The following INTS3 variants were observed in gnomAD, a reference collection of about 807,000 sequenced individuals.
INTS3 encodes the protein integrator complex subunit 3.
Under a neutral mutation model 146.3 loss-of-function variants are expected in INTS3, and 34 were observed. The observed-to-expected ratio is 0.23, with a 90% confidence interval of 0.18 to 0.31. The LOEUF (loss-of-function observed/expected upper bound fraction) is 0.31, where lower values mean the gene tolerates loss of function less well. Ranked by LOEUF, INTS3 falls within the 10% of genes least tolerant of loss-of-function variation. The pLI, the probability that INTS3 is intolerant of heterozygous loss-of-function variation, is 1.00. For synonymous variants in INTS3, 475 were observed against 494.9 expected (o/e 0.96, Z 0.53); for missense variants, 757 against 1,304.2 (o/e 0.58, Z 6.46).
intron 5 of INTS3, chr1:153,748,385 T>G (rs1671832919): frequency 2.6e-6 from 1 of 388,084 alleles, no homozygotes; most frequent in Non-Finnish European, 4.9e-6. Context: ...AACTGTGGGC[T>G]TCTTATATCT....
intron 14 of INTS3, among the ~76,000 whole-genome samples, chr1:153,762,423 G>A (rs760000936): frequency 3.3e-5 from 5 of 152,230 alleles, no homozygotes; most frequent in Non-Finnish European, 7.3e-5. Context: ...CAGCCCAGGC[G>A]ACAAGAGTGA....
chr1:153,769,001 G>A (rs781051143), intron 22 of INTS3, 40 bp downstream of exon 22: 30 of 1,529,192 alleles, frequency 2.0e-5, no homozygotes, highest in Non-Finnish European at 2.4e-5. Context: ...GATCTGGGAG[G>A]CAGCATTAGG....
At chr1:153,750,757 A>G (rs1275820819) in intron 6 of INTS3, 7 of 296,406 alleles carry the variant, frequency 2.4e-5, no homozygotes, top group Non-Finnish European at 6.3e-6. Context: ...TGCTTGGCAC[A>G]TGATAGGCAC....
rs1178652922 is a variant in INTS3 at position 153,736,912 on chromosome 1, TGCCACCATGCCC to T, written c.151-3737_151-3726del. On this transcript the variant is annotated intron_variant, in intron 1 of 29. Transcript: ENST00000318967. ...CTGAGTAGCTGGGACTACAGGCGCC[TGCCACCATGCCC>T]GGCTAATTTTTTGTATTTTTTTTAA... is the stretch of plus-strand genomic sequence containing the variant. Among the ~76,000 whole-genome samples the T allele has an allele frequency of 2.0e-5, 3 of 151,972 alleles. No homozygotes were observed. The East Asian group carries it at 5.8e-4, about 29-fold the overall frequency.
rs1357945754 is a variant in INTS3 at position 153,757,534 on chromosome 1, G to T, written c.958-38G>T. On this transcript the variant is annotated intron_variant, in intron 9 of 29. Coordinates refer to ENST00000318967, the MANE Select transcript of INTS3 (RefSeq NM_023015.5). This position sits in a 1 kb window ranked among gnomAD's most constrained non-coding sequence, Gnocchi z 4.0. ...TTCCTCTGGCCAAGGACCCCACACT[G>T]TCTTCTAAGGTCTTTTTCTTGCTTC... 3 of 1,593,620 alleles carry T rather than the reference G, an allele frequency of 1.9e-6. No homozygotes were observed. The highest frequency in any genetic ancestry group is 1.7e-6 in the Non-Finnish European group (2 of 1,163,530).
Position 153,741,351 on chromosome 1 carries a change from C to G in INTS3, c.301C>G (p.Pro101Ala). 4.3e-6 allele frequency: 7 copies of G among 1,613,690 alleles called. No individual in the cohort carries two copies. Among genetic ancestry groups the G allele is most frequent in the South Asian group, 1.1e-5 (1 of 91,080 alleles). Residue 101 changes from proline to alanine, a missense_variant, in exon 3 of 30, where the codon CCT (proline) becomes GCT (alanine). Transcript: ENST00000318967. The part of the protein sequence containing the change: ...LGLFTLILTE[P>A]AQAQKCYRDL... ...CCTGTTTACTCTCATCCTCACTGAA[C>G]CTGCCCAAGCCCAGAAGGTAAGGCA...
At position 153,728,102 on chromosome 1, in the gene INTS3, G is replaced by A; in HGVS notation, c.-533G>A. On this transcript the variant is annotated 5_prime_UTR_variant, in exon 1 of 30. Transcript: ENST00000318967. ...TGGCCGCTTCTGTGTGGTGTGGGGA[G>A]ACGCTGGTCCTCCCCGTCCTCCCAT... 2.5e-6 allele frequency: 1 copy of A among 392,888 alleles called. No homozygotes were observed. 24.3% of individuals were successfully genotyped at this position (392,888 alleles called of 1,614,324 possible). A position where few individuals can be genotyped will look rare whatever the true frequency, so the allele number is the denominator to read the frequency against.
intron 21 of INTS3, among the ~76,000 whole-genome samples, chr1:153,768,110 A>G (rs1322090670): frequency 6.6e-6 from 1 of 152,202 alleles, no homozygotes; most frequent in Non-Finnish European, 1.5e-5. Flanking sequence ...ATCTGGACCC[A>G]GGACAGATCC....
chr1:153,756,184 G>A (rs1021045624), intron 9 of INTS3, among the ~76,000 whole-genome samples: 1 of 151,824 alleles, frequency 6.6e-6, no homozygotes, highest in African/African-American at 2.4e-5. Flanking sequence ...AAGACTAGCC[G>A]GGCAACATGA....
chr1:153,772,011 G>C lies in INTS3; in HGVS notation c.2720+48G>C, dbSNP rs1553241073. 1 of 1,468,242 alleles carries C rather than the reference G, an allele frequency of 6.8e-7. No homozygotes were observed. The highest frequency in any genetic ancestry group is 2.4e-5 in the East Asian group (1 of 42,090). 91.0% of individuals were successfully genotyped at this position (1,468,242 alleles called of 1,614,324 possible). A position where few individuals can be genotyped will look rare whatever the true frequency, so the allele number is the denominator to read the frequency against. On this transcript the variant is annotated intron_variant, in intron 26 of 29. Coordinates refer to ENST00000318967, the MANE Select transcript of INTS3 (RefSeq NM_023015.5). The surrounding 1 kb of genome is among the most constrained non-coding windows in gnomAD (Gnocchi z 4.6). ...CCTCCAGGCCATGGCGGTCTGCAGTGATTGCTGTCGGTGGTGGTGGTGGTG... is the reference window on the plus strand; with the variant it reads ...CCTCCAGGCCATGGCGGTCTGCAGTCATTGCTGTCGGTGGTGGTGGTGGTG...
chr1:153,746,899 G>A (rs879859016), intron 3 of INTS3, 58 bp from the exon 4 acceptor site: 1 of 1,038,654 alleles, frequency 9.6e-7, no homozygotes, highest in East Asian at 2.4e-5. Flanking sequence ...TCCACTGTGG[G>A]TGGGGTGAGG....
chr1:153,760,344 A>G lies in INTS3; in HGVS notation c.1271A>G (p.Lys424Arg). The G allele has an allele frequency of 6.2e-7, 1 of 1,613,662 alleles. No individual in the cohort carries two copies. The highest frequency in any genetic ancestry group is 1.1e-5 in the South Asian group (1 of 91,038). Residue 424 changes from lysine to arginine, a missense_variant, in exon 12 of 30, where the codon AAG (lysine) becomes AGG (arginine). Coordinates refer to ENST00000318967, the MANE Select transcript of INTS3 (RefSeq NM_023015.5). The part of the protein sequence containing the change: ...PAILVMHHSM[K>R]PHPAITATLL... ...ATCCTGGTCATGCACCACTCCATGA[A>G]GCCCCACCCAGCCATCACTGCCACA... is the stretch of plus-strand genomic sequence containing the variant.
chr1:153,765,551 C>CT (rs1026676693), intron 20 of INTS3, among the ~76,000 whole-genome samples: 48 of 151,562 alleles, frequency 3.2e-4, no homozygotes, highest in African/African-American at 9.4e-4. Context: ...ACTCCTAAGG[C>CT]TTTTTTTTAA....
At chr1:153,764,776 C>T in intron 19 of INTS3, 42 bp downstream of exon 19, 1 of 1,552,330 alleles carries the variant, frequency 6.4e-7, no homozygotes, top group Admixed American at 1.7e-5. Context: ...ACCCTCCATC[C>T]TCCCTGACAG....
At chr1:153,735,582 CT>C (rs1347544068) in intron 1 of INTS3, among the ~76,000 whole-genome samples, 3 of 152,198 alleles carry the variant, frequency 2.0e-5, no homozygotes, top group Non-Finnish European at 2.9e-5. Flanking sequence ...TGCTGTGCCA[CT>C]CCTTGTTCAC....
chr1:153,740,095 G>A (rs1417929727), intron 1 of INTS3, among the ~76,000 whole-genome samples: 1 of 139,544 alleles, frequency 7.2e-6, no homozygotes, highest in African/African-American at 2.7e-5. Flanking sequence ...CACCGTGCCC[G>A]CCCTATTTTA....
In INTS3 at chr1:153,772,603, G is replaced by A. The variant is rs373644637; in HGVS notation, c.2822-36G>A. 1.2e-6 allele frequency: 2 copies of A among 1,613,882 alleles called. No individual in the cohort carries two copies. Among genetic ancestry groups the A allele is most frequent in the African/African-American group, 1.3e-5 (1 of 74,918 alleles). The stretch of plus-strand genomic sequence containing the variant: ...TTAATAAGCTCCCAGACATCTGATT[G>A]TTTTTCCTTCCCTGCTCTCCCTTTT... On this transcript the variant is annotated intron_variant, in intron 27 of 29. Coordinates refer to ENST00000318967, the MANE Select transcript of INTS3 (RefSeq NM_023015.5). This position sits in a 1 kb window ranked among gnomAD's most constrained non-coding sequence, Gnocchi z 4.6.
chr1:153,772,310 C>CA lies in INTS3; in HGVS notation c.2721-29dup. ...TCGCACTCTGGAACCCTCCCACACTCAGACTCTGGCTCTGGTGATTCCTGC... is the reference window on the plus strand; with the variant it reads ...TCGCACTCTGGAACCCTCCCACACTCAAGACTCTGGCTCTGGTGATTCCTGC... On this transcript the variant is annotated intron_variant, in intron 26 of 29. Coordinates refer to ENST00000318967, the MANE Select transcript of INTS3 (RefSeq NM_023015.5). The surrounding 1 kb of genome is among the most constrained non-coding windows in gnomAD (Gnocchi z 4.6). 1 of 1,607,652 alleles carries CA rather than the reference C, an allele frequency of 6.2e-7. No individual in the cohort carries two copies. Among genetic ancestry groups the CA allele is most frequent in the South Asian group, 1.1e-5 (1 of 90,332 alleles).
intron 8 of INTS3, among the ~76,000 whole-genome samples, chr1:153,753,364 C>A (rs1182581972): frequency 6.6e-6 from 1 of 151,888 alleles, no homozygotes; most frequent in Non-Finnish European, 1.5e-5. Flanking sequence ...CAAGACCATC[C>A]TGGGCAACAT....
Sources: allele counts gnomAD v4.1 joint callset (sites outside exome capture counted in the v4.1 genomes callset), GRCh38; gene constraint gnomAD v4.1.1; non-coding constraint Gnocchi (gnomAD v3.1); transcripts MANE v1.5; gene names NCBI Gene and HGNC (gene_info 2026-07-23, HGNC 2026-07-21).